PLAGL1: variants seen among roughly 807,000 people sequenced by gnomAD.
PLAGL1 encodes PLAG1 like zinc finger 1.
PLAGL1 carries 1 observed loss-of-function variant against 4.6 expected under a neutral mutation model. The ratio of observed to expected loss-of-function variants is 0.22; its 90% CI spans 0.08 to 1.03. The LOEUF (loss-of-function observed/expected upper bound fraction) is 1.03, where lower values mean the gene tolerates loss of function less well. Ranked by LOEUF, PLAGL1 falls within the 50% of genes least tolerant of loss-of-function variation. The probability of loss-of-function intolerance (pLI) is 0.58; values close to 1 mark genes in which losing one functional copy is unlikely to be tolerated. For synonymous variants in PLAGL1, 240 were observed against 237.8 expected (o/e 1.01, Z -0.08); for missense variants, 464 against 570.4 (o/e 0.81, Z 1.90).
chr6:144,049,572 G>A (rs1331397458), intron 1 of PLAGL1, among the ~76,000 whole-genome samples: 1 of 152,188 alleles, frequency 6.6e-6, no homozygotes, highest in African/African-American at 2.4e-5. Flanking sequence ...GGAAGAGTGA[G>A]GAGTGAAGGG....
Position 143,989,694 on chromosome 6 carries a change from C to G in PLAGL1, c.-583-4520G>C, listed in dbSNP as rs574693851. Among the ~76,000 whole-genome samples, 1 of 152,326 alleles carries G rather than the reference C, an allele frequency of 6.6e-6. No individual in the cohort carries two copies. Among genetic ancestry groups the G allele is most frequent in the African/African-American group, 2.4e-5 (1 of 41,576 alleles). On this transcript the variant is annotated intron_variant, in intron 1 of 7. Coordinates refer to ENST00000674357, the MANE Select transcript of PLAGL1 (RefSeq NM_001317162.2). The surrounding 1 kb of genome is among the most constrained non-coding windows in gnomAD (Gnocchi z 4.8). Reference sequence around the variant, plus strand: ...GGTCAATTCTTTGTAATCAATCTCTCTTTCTCTCTCCATATATGTATCCAT... The same window carrying G: ...GGTCAATTCTTTGTAATCAATCTCTGTTTCTCTCTCCATATATGTATCCAT...
chr6:144,055,832 C>A lies in PLAGL1; in HGVS notation c.-151+8636G>T, dbSNP rs1184181052. Among the ~76,000 whole-genome samples the A allele has an allele frequency of 6.6e-6, 1 of 152,262 alleles. No individual in the cohort carries two copies. The highest frequency in any genetic ancestry group is 1.5e-5 in the Non-Finnish European group (1 of 68,048). On this transcript the variant is annotated intron_variant, in intron 1 of 3. Transcript: ENST00000437412. This position sits in a 1 kb window ranked among gnomAD's most constrained non-coding sequence, Gnocchi z 5.0. ...CATCCCCATGAACGATACACAGCCA[C>A]TGTCTTTCTTTGGGTACTACATTCA...
Position 143,954,289 on chromosome 6 carries a change from C to T in PLAGL1, c.-324-5829G>A, listed in dbSNP as rs934188289. Among the ~76,000 whole-genome samples, 1 of 151,468 alleles carries T rather than the reference C, an allele frequency of 6.6e-6. No homozygotes were observed. The highest frequency in any genetic ancestry group is 1.5e-5 in the Non-Finnish European group (1 of 67,904). Reference sequence around the variant, plus strand: ...TAGGGAAAACTGACACAAAAAGTAACGGGGAAAAAAAGACTACGGGGGGAA... The same window carrying T: ...TAGGGAAAACTGACACAAAAAGTAATGGGGAAAAAAAGACTACGGGGGGAA... On this transcript the variant is annotated intron_variant, in intron 6 of 7. Transcript: ENST00000674357. The surrounding 1 kb of genome is among the most constrained non-coding windows in gnomAD (Gnocchi z 5.1).
At position 143,954,511 on chromosome 6, in the gene PLAGL1, A is replaced by G. The variant is rs1016847671; in HGVS notation, c.-325+5958T>C. 1.3e-5 allele frequency among the ~76,000 whole-genome samples: 2 copies of G among 152,240 alleles called. No individual in the cohort carries two copies. Among genetic ancestry groups the G allele is most frequent in the Non-Finnish European group, 2.9e-5 (2 of 68,044 alleles). Reference sequence around the variant, plus strand: ...GAACCCAGAGAGCATCTGAGAGTCAACACCATGAGGCAGCCTCTTATAACT... The same window carrying G: ...GAACCCAGAGAGCATCTGAGAGTCAGCACCATGAGGCAGCCTCTTATAACT... On this transcript the variant is annotated intron_variant, in intron 6 of 7. Transcript: ENST00000674357. The surrounding 1 kb of genome is among the most constrained non-coding windows in gnomAD (Gnocchi z 5.1).
At chr6:144,060,392 T>C (rs191767965) in intron 1 of PLAGL1, among the ~76,000 whole-genome samples, 85 of 152,286 alleles carry the variant, frequency 5.6e-4, no homozygotes, top group African/African-American at 1.9e-3. Context: ...CCTAGTTGGT[T>C]TCCTCATTGC....
At chr6:143,986,454 G>C (rs1228564310) in intron 1 of PLAGL1, among the ~76,000 whole-genome samples, 1 of 152,134 alleles carries the variant, frequency 6.6e-6, no homozygotes, top group Non-Finnish European at 1.5e-5. Flanking sequence ...AACATTCGTT[G>C]GGGATTGACA....
Position 143,941,852 on chromosome 6 carries a change from T to C in PLAGL1, c.964A>G (p.Thr322Ala), listed in dbSNP as rs1778661072. 7 of 1,614,226 alleles carry C rather than the reference T, an allele frequency of 4.3e-6. No individual in the cohort carries two copies. Among genetic ancestry groups the C allele is most frequent in the Non-Finnish European group, 5.1e-6 (6 of 1,180,038 alleles). ...PLASLPLKAD[T>A]KGFCNISLFE... ...AAACTGATATTGCAAAAACCTTTAG[T>C]ATCTGCTTTGAGGGGCAGGCTTGCA... is the stretch of plus-strand genomic sequence containing the variant. The change falls in exon 8 of 8, where the codon ACT becomes GCT. Residue 322 changes from threonine (T) to alanine (A), a missense_variant. By Grantham distance (58) the Thr-to-Ala change is moderately conservative. This residue lies in a region of PLAGL1 where 248 missense variants were observed against 250.1 expected (regional missense o/e 0.99). Coordinates refer to ENST00000674357, the MANE Select transcript of PLAGL1 (RefSeq NM_001317162.2). This position sits in a 1 kb window ranked among gnomAD's most constrained non-coding sequence, Gnocchi z 6.0.
Position 143,993,127 on chromosome 6 carries a change from T to C in PLAGL1, c.-583-7953A>G, listed in dbSNP as rs191237787. On this transcript the variant is annotated intron_variant, in intron 1 of 7. Transcript: ENST00000674357. Reference sequence around the variant, plus strand: ...TTCGAGTCCAGCCTGGCCAACACAGTGAAACCCCACCTCTACTAAAAATAG... The same window carrying C: ...TTCGAGTCCAGCCTGGCCAACACAGCGAAACCCCACCTCTACTAAAAATAG... 1.0e-3 allele frequency among the ~76,000 whole-genome samples: 151 copies of C among 151,680 alleles called. No individual in the cohort carries two copies. The South Asian group carries it at 0.014, about 14-fold the overall frequency.
In PLAGL1 at chr6:143,983,507, G is replaced by A. The variant is rs572842621; in HGVS notation, c.-544+1628C>T. Among the ~76,000 whole-genome samples, 10 of 152,274 alleles carry A rather than the reference G, an allele frequency of 6.6e-5. No individual in the cohort carries two copies. Among genetic ancestry groups the A allele is most frequent in the African/African-American group, 2.4e-4 (10 of 41,558 alleles). On this transcript the variant is annotated intron_variant, in intron 2 of 7. Coordinates refer to ENST00000674357, the MANE Select transcript of PLAGL1 (RefSeq NM_001317162.2). This position sits in a 1 kb window ranked among gnomAD's most constrained non-coding sequence, Gnocchi z 6.6. ...GATGGGACTAAGAATATAAGTACAA[G>A]GGTAAGCTTTAAATTGAGCATGGCT...
In PLAGL1 at chr6:144,029,363, A is replaced by G. The variant is rs187357488; in HGVS notation, c.-151+35105T>C. 2.1e-3 allele frequency among the ~76,000 whole-genome samples: 321 copies of G among 152,364 alleles called. 2 individuals are homozygous for G. The highest frequency in any genetic ancestry group is 3.7e-3 in the Admixed American group (57 of 15,306). ...CCATAAACAAAGTCAAAAGACAACAACAACCTGATGGGGTGGGAGCAGGGG... is the reference window on the plus strand; with the variant it reads ...CCATAAACAAAGTCAAAAGACAACAGCAACCTGATGGGGTGGGAGCAGGGG... On this transcript the variant is annotated intron_variant, in intron 1 of 3. Coordinates refer to the PLAGL1 transcript ENST00000437412.
At chr6:144,042,572 T>A (rs1797824585) in intron 1 of PLAGL1, among the ~76,000 whole-genome samples, 1 of 152,268 alleles carries the variant, frequency 6.6e-6, no homozygotes, top group East Asian at 1.9e-4. Context: ...TTTTGGTTAC[T>A]GTAGCCTTAT....
chr6:144,045,000 C>CTTTTTTTTTTTTT (rs138373370), intron 1 of PLAGL1, among the ~76,000 whole-genome samples: 1 of 47,322 alleles, frequency 2.1e-5, no homozygotes, highest in Non-Finnish European at 3.9e-5. Context: ...GCAACCCCTG[C>CTTTTTTTTTTTTT]TTTTTTTTTT....
intron 1 of PLAGL1, among the ~76,000 whole-genome samples, chr6:144,032,099 G>A (rs1302884420): frequency 6.7e-6 from 1 of 149,814 alleles, no homozygotes; most frequent in African/African-American, 2.5e-5. Context: ...GGTATATCAA[G>A]TTTCTCCCTA....
rs1583157957 is a variant in PLAGL1, at chr6:143,954,734, T to C, written c.-325+5735A>G. ...GTATTAGAAGTCATGGATAATACGA[T>C]ACAGTAAGACAATAAACTAATGAAA... On this transcript the variant is annotated intron_variant, in intron 6 of 7. Transcript: ENST00000674357. This position sits in a 1 kb window ranked among gnomAD's most constrained non-coding sequence, Gnocchi z 5.1. Among the ~76,000 whole-genome samples, 1 of 152,342 alleles carries C rather than the reference T, an allele frequency of 6.6e-6. No individual in the cohort carries two copies. The highest frequency in any genetic ancestry group is 1.9e-4 in the East Asian group (1 of 5,190).
intron 2 of PLAGL1, among the ~76,000 whole-genome samples, chr6:143,969,819 T>C (rs989631241): frequency 4.6e-5 from 7 of 151,956 alleles, no homozygotes; most frequent in African/African-American, 1.7e-4. Context: ...ATTTTTTTTT[T>C]TTAAAGTCAA....
rs1289251881 is a variant in PLAGL1 at position 143,940,483 on chromosome 6, T to TAATG, written c.*937_*940dup. The TAATG allele has an allele frequency of 6.6e-6, 1 of 152,238 alleles. No homozygotes were observed. The highest frequency in any genetic ancestry group is 1.9e-4 in the East Asian group (1 of 5,200). The allele number at this position is 152,238 out of a possible 1,614,324, so 9.4% of individuals were successfully genotyped here. A position where few individuals can be genotyped will look rare whatever the true frequency, so the allele number is the denominator to read the frequency against. On this transcript the variant is annotated 3_prime_UTR_variant, in exon 8 of 8. Transcript: ENST00000674357. Reference sequence around the variant, plus strand: ...GTAATCTTCTTTTAATAAAAGCTAATAATGACTGATGAATTACAAATGCAC... The same window carrying TAATG: ...GTAATCTTCTTTTAATAAAAGCTAATAATGAATGACTGATGAATTACAAATGCAC...
intron 1 of PLAGL1, among the ~76,000 whole-genome samples, chr6:144,023,052 A>G (rs946496185): frequency 1.3e-5 from 2 of 152,250 alleles, no homozygotes; most frequent in Non-Finnish European, 2.9e-5. Flanking sequence ...TTATTCAGCA[A>G]TCTAAAGGAA....
rs368929894 is a variant in PLAGL1 at position 143,941,958 on chromosome 6, G to A, written c.858C>T (p.His286=). ...QPLPESLASL[H]PSVSPGSPPP... Reference sequence around the variant, plus strand: ...GAGGAGAGCCAGGGGATACCGAGGGGTGGAGGGAGGCCAGGGACTCTGGCA... The same window carrying A: ...GAGGAGAGCCAGGGGATACCGAGGGATGGAGGGAGGCCAGGGACTCTGGCA... Residue 286 remains histidine (H), a synonymous_variant, in exon 8 of 8, where the codon CAC becomes CAT. Coordinates refer to ENST00000674357, the MANE Select transcript of PLAGL1 (RefSeq NM_001317162.2). The surrounding 1 kb of genome is among the most constrained non-coding windows in gnomAD (Gnocchi z 6.0). 1.0e-5 allele frequency: 16 copies of A among 1,600,842 alleles called. No individual in the cohort carries two copies. Among genetic ancestry groups the A allele is most frequent in the Non-Finnish European group, 1.3e-5 (15 of 1,172,580 alleles).
intron 1 of PLAGL1, among the ~76,000 whole-genome samples, chr6:144,019,734 G>T (rs1482454361): frequency 7.3e-5 from 11 of 150,534 alleles, no homozygotes; most frequent in African/African-American, 2.7e-4. Context: ...GGAGCACATT[G>T]TACTGTTCTT....
Sources: allele counts gnomAD v4.1 joint callset (sites outside exome capture counted in the v4.1 genomes callset), GRCh38; gene constraint gnomAD v4.1.1; regional missense constraint gnomAD v4.1.1; non-coding constraint Gnocchi (gnomAD v3.1); transcripts MANE v1.5; gene names NCBI Gene and HGNC (gene_info 2026-07-23, HGNC 2026-07-21).